LDB2: variants seen among roughly 807,000 people sequenced by gnomAD.
The protein encoded by LDB2 is LIM domain binding 2, also known as LIM domain-binding protein 2.
In LDB2, 12 loss-of-function variants were observed where a neutral mutation model predicts 44.3. The ratio of observed to expected loss-of-function variants is 0.27; its 90% CI spans 0.17 to 0.44. The LOEUF is 0.44. Ranked by LOEUF, LDB2 falls within the 20% of genes least tolerant of loss-of-function variation. LDB2 has a pLI of 1.00. For synonymous variants in LDB2, 164 were observed against 174.8 expected (o/e 0.94, Z 0.49); for missense variants, 344 against 473.5 (o/e 0.73, Z 2.54).
chr4:16,590,315 T>A (rs1325164133), intron 3 of LDB2, among the ~76,000 whole-genome samples: 2 of 152,164 alleles, frequency 1.3e-5, no homozygotes, highest in Non-Finnish European at 2.9e-5. Context: ...TCCAGACACT[T>A]GAAAAAACAC....
At chr4:16,739,064 C>T (rs1466437303) in intron 2 of LDB2, among the ~76,000 whole-genome samples, 1 of 151,944 alleles carries the variant, frequency 6.6e-6, no homozygotes, top group African/African-American at 2.4e-5. Context: ...AGGCTTTTTC[C>T]AATTCTTCCA....
At chr4:16,757,171 G>T (rs942580499) in intron 2 of LDB2, among the ~76,000 whole-genome samples, 1 of 152,192 alleles carries the variant, frequency 6.6e-6, no homozygotes, top group Admixed American at 6.5e-5. Flanking sequence ...AACAGTGCAC[G>T]TCAGGCGTTC....
chr4:16,894,274 C>T (rs1378780748), intron 1 of LDB2, among the ~76,000 whole-genome samples: 1 of 152,098 alleles, frequency 6.6e-6, no homozygotes, highest in African/African-American at 2.4e-5. Flanking sequence ...CAATTTTTGA[C>T]AGCATACACA....
chr4:16,775,345 C>T (rs1771658377), intron 1 of LDB2, among the ~76,000 whole-genome samples: 1 of 152,188 alleles, frequency 6.6e-6, no homozygotes, highest in African/African-American at 2.4e-5. Context: ...ATACAGCCTA[C>T]ACACCTTGCT....
chr4:16,881,566 C>T (rs1273196925), intron 1 of LDB2, among the ~76,000 whole-genome samples: 2 of 147,016 alleles, frequency 1.4e-5, no homozygotes, highest in Non-Finnish European at 3.0e-5. Context: ...TCCTAAAGTT[C>T]TCTCGATACT....
chr4:16,760,873 AT>A (rs1367566442), intron 1 of LDB2, among the ~76,000 whole-genome samples: 4 of 152,210 alleles, frequency 2.6e-5, no homozygotes, highest in African/African-American at 9.6e-5. Flanking sequence ...TCGACTTTAA[AT>A]CACTACACAG....
At chr4:16,798,912 G>T (rs1184828290) in intron 1 of LDB2, among the ~76,000 whole-genome samples, 2 of 152,088 alleles carry the variant, frequency 1.3e-5, no homozygotes, top group African/African-American at 4.8e-5. Context: ...GTGCAGTGGC[G>T]CGATCTTGGC....
intron 2 of LDB2, among the ~76,000 whole-genome samples, chr4:16,676,203 T>C (rs1746282245): frequency 6.6e-6 from 1 of 152,336 alleles, no homozygotes; most frequent in South Asian, 2.1e-4. Flanking sequence ...TGAATCTAAA[T>C]GAATTTCTTC....
At chr4:16,842,458 T>C (rs561726809) in intron 1 of LDB2, among the ~76,000 whole-genome samples, 2 of 152,342 alleles carry the variant, frequency 1.3e-5, no homozygotes, top group South Asian at 2.1e-4. Flanking sequence ...TAAACAGTTA[T>C]TTAAAATATA....
intron 5 of LDB2, among the ~76,000 whole-genome samples, chr4:16,551,053 T>TA (rs1737477267): frequency 6.6e-6 from 1 of 152,166 alleles, no homozygotes. Flanking sequence ...AATCAGATAA[T>TA]AAATAGAAAT....
intron 1 of LDB2, among the ~76,000 whole-genome samples, chr4:16,884,128 C>T (rs976793725): frequency 1.3e-5 from 2 of 152,148 alleles, no homozygotes; most frequent in South Asian, 2.1e-4. Context: ...TTGCTTCACT[C>T]CCCAGCCAAC....
chr4:16,864,317 A>G (rs1403965718), intron 1 of LDB2, among the ~76,000 whole-genome samples: 2 of 152,202 alleles, frequency 1.3e-5, no homozygotes, highest in Admixed American at 6.5e-5. Context: ...AACACAGGGA[A>G]AAATCAAAGA....
chr4:16,623,570 G>A (rs1421524943), intron 2 of LDB2, among the ~76,000 whole-genome samples: 2 of 151,990 alleles, frequency 1.3e-5, no homozygotes, highest in Admixed American at 6.6e-5. Flanking sequence ...GCACTGTAGC[G>A]TGGCTGACAG....
intron 1 of LDB2, among the ~76,000 whole-genome samples, chr4:16,834,882 A>G (rs899549474): frequency 1.3e-5 from 2 of 151,978 alleles, no homozygotes; most frequent in Admixed American, 6.6e-5. Context: ...CGTGTTCACT[A>G]TTGTACTCCC....
chr4:16,796,324 C>T (rs548580802), intron 1 of LDB2, among the ~76,000 whole-genome samples: 2 of 152,274 alleles, frequency 1.3e-5, no homozygotes, highest in African/African-American at 4.8e-5. Flanking sequence ...CATTAGTATA[C>T]ACACATATGT....
chr4:16,812,184 A>G (rs1200230593), intron 1 of LDB2, among the ~76,000 whole-genome samples: 1 of 152,182 alleles, frequency 6.6e-6, no homozygotes, highest in African/African-American at 2.4e-5. Context: ...CTGACACTCC[A>G]TTGTCAGAGA....
intron 1 of LDB2, among the ~76,000 whole-genome samples, chr4:16,809,927 T>A (rs539031905): frequency 8.5e-5 from 13 of 152,336 alleles, no homozygotes; most frequent in Admixed American, 5.2e-4. Flanking sequence ...AACTAACAAG[T>A]ACTGCACATA....
intron 5 of LDB2, among the ~76,000 whole-genome samples, chr4:16,535,085 A>T (rs1038506271): frequency 1.3e-5 from 2 of 152,200 alleles, no homozygotes; most frequent in African/African-American, 4.8e-5. Context: ...AGGCTTTTCC[A>T]TGCATCTGGA....
chr4:16,859,001 TA>T (rs1711558974), intron 1 of LDB2, among the ~76,000 whole-genome samples: 3 of 152,302 alleles, frequency 2.0e-5, no homozygotes, highest in African/African-American at 7.2e-5. Context: ...GCTACATTTT[TA>T]AAAAACAAAT....
Sources: allele counts gnomAD v4.1 joint callset (sites outside exome capture counted in the v4.1 genomes callset), GRCh38; gene constraint gnomAD v4.1.1; transcripts MANE v1.5; gene names NCBI Gene and HGNC (gene_info 2026-07-23, HGNC 2026-07-21).